The following CDH23 variants were observed in gnomAD, a reference collection of about 807,000 sequenced individuals.
The protein encoded by CDH23 is cadherin related 23.
A neutral mutation model predicts 317.1 loss-of-function variants in CDH23; 189 were observed. The observed-to-expected ratio is 0.60, with a 90% CI of 0.53 to 0.67. The LOEUF (loss-of-function observed/expected upper bound fraction) is 0.67. Among genes scored for constraint, CDH23 ranks in the 30% least tolerant of loss-of-function variants. The probability of loss-of-function intolerance (pLI) is 0.00; values close to 1 mark genes in which losing one functional copy is unlikely to be tolerated. For missense variants in CDH23, 4,401 were observed against 4,592.4 expected (o/e 0.96, Z 1.20); for synonymous variants, 1,839 against 1,876.8 (o/e 0.98, Z 0.52).
intron 9 of CDH23, among the ~76,000 whole-genome samples, chr10:71,607,318 C>T (rs1483420132): frequency 6.6e-6 from 1 of 152,234 alleles, no homozygotes; most frequent in East Asian, 1.9e-4. Context: ...AACTCTTTAG[C>T]TTCCTGGAAG....
intron 9 of CDH23, among the ~76,000 whole-genome samples, chr10:71,609,130 C>T (rs1860703903): frequency 6.6e-6 from 1 of 151,896 alleles, no homozygotes; most frequent in South Asian, 2.1e-4. Context: ...GCAGGTGGGG[C>T]AGGGGGCGTG....
chr10:71,737,208 C>T (rs1460154489), intron 34 of CDH23, among the ~76,000 whole-genome samples: 1 of 152,190 alleles, frequency 6.6e-6, no homozygotes, highest in African/African-American at 2.4e-5. Context: ...TGGGTAGAGT[C>T]TTGGCAAGAG....
At chr10:71,705,700 G>C (rs143020540) in intron 25 of CDH23, among the ~76,000 whole-genome samples, 1 of 152,190 alleles carries the variant, frequency 6.6e-6, no homozygotes, top group African/African-American at 2.4e-5. Context: ...ACGGGGTACT[G>C]TTTCCACTCT....
chr10:71,639,220 C>CCA (rs1468000839), intron 11 of CDH23, among the ~76,000 whole-genome samples: 1 of 152,202 alleles, frequency 6.6e-6, no homozygotes, highest in East Asian at 1.9e-4. Flanking sequence ...AGGCTCCTCT[C>CCA]CACACACACT....
chr10:71,674,244 G>A (rs750774366), intron 14 of CDH23, among the ~76,000 whole-genome samples: 3 of 152,072 alleles, frequency 2.0e-5, no homozygotes, highest in Non-Finnish European at 2.9e-5. Flanking sequence ...ACACAAATTA[G>A]CTTTTCCTTG....
intron 12 of CDH23, 128 bp from the exon 13 acceptor site, chr10:71,645,703 C>A (rs753670971): frequency 9.8e-7 from 1 of 1,024,290 alleles, no homozygotes; most frequent in South Asian, 1.3e-5. Context: ...TCTGTCCCAG[C>A]GCCTCATCCA....
chr10:71,792,656 A>G (rs1285328291), intron 47 of CDH23, among the ~76,000 whole-genome samples: 1 of 151,232 alleles, frequency 6.6e-6, no homozygotes, highest in African/African-American at 2.4e-5. Flanking sequence ...CCCTTTCTCT[A>G]CTAAAAATAC....
At position 71,538,025 on chromosome 10, in the gene CDH23, G is replaced by A. The variant is rs148974937; in HGVS notation, c.429+26813G>A. 5.7e-3 allele frequency among the ~76,000 whole-genome samples: 861 copies of A among 152,202 alleles called. 22 individuals are homozygous for A. Among genetic ancestry groups the A allele is most frequent in the Non-Finnish European group, 1.1e-3 (77 of 68,024 alleles). On this transcript the variant is annotated intron_variant, in intron 6 of 69. Transcript: ENST00000224721. ...CCTCTAAGCCTCAGCAGCCAGCACT[G>A]TCCACATCACTGAGTCCATTTTACA... is the stretch of plus-strand genomic sequence containing the variant.
chr10:71,718,241 A>C (rs1866379351), intron 28 of CDH23, among the ~76,000 whole-genome samples: 2 of 152,144 alleles, frequency 1.3e-5, no homozygotes, highest in African/African-American at 4.8e-5. Flanking sequence ...TGGGCCACCT[A>C]GTTCCCCACC....
At chr10:71,646,673 G>T (rs1246941914) in intron 14 of CDH23, 56 bp downstream of exon 14, 1 of 1,613,864 alleles carries the variant, frequency 6.2e-7, no homozygotes, top group Non-Finnish European at 8.5e-7. Flanking sequence ...ACTGTGGTGA[G>T]GCACCCAGAG....
intron 3 of CDH23, among the ~76,000 whole-genome samples, chr10:71,487,625 A>T (rs187716790): frequency 1.3e-5 from 2 of 152,326 alleles, no homozygotes; most frequent in Non-Finnish European, 2.9e-5. Flanking sequence ...GAATCGTTAA[A>T]TCATTTGGTG....
intron 30 of CDH23, among the ~76,000 whole-genome samples, chr10:71,730,079 C>T (rs1839313298): frequency 6.6e-6 from 1 of 152,126 alleles, no homozygotes; most frequent in Admixed American, 6.5e-5. Flanking sequence ...CGTGATCTGC[C>T]CACCTCGGCC....
intron 27 of CDH23, among the ~76,000 whole-genome samples, 162 bp downstream of exon 27, chr10:71,709,373 A>G (rs562558845): frequency 3.9e-5 from 6 of 152,380 alleles, no homozygotes; most frequent in Admixed American, 1.3e-4. Context: ...CTTGCCGGGC[A>G]TGAGGCTCAC....
At chr10:71,608,464 A>T (rs148466752) in intron 9 of CDH23, among the ~76,000 whole-genome samples, 7 of 152,276 alleles carry the variant, frequency 4.6e-5, no homozygotes, top group African/African-American at 1.7e-4. Flanking sequence ...AGCTCCTCAT[A>T]AGCCATGGCT....
chr10:71,427,209 G>GAAAGAAAGAAAGAAAGAAAGAA (rs1849127814), intron 1 of CDH23, among the ~76,000 whole-genome samples: 1 of 108,610 alleles, frequency 9.2e-6, no homozygotes, highest in African/African-American at 3.2e-5. Context: ...AAGAAAGAAA[G>GAAAGAAAGAAAGAAAGAAAGAA]AAAGAAAGAA....
In CDH23 at chr10:71,778,237, C is replaced by A. The variant is rs759876454; in HGVS notation, c.5116C>A (p.Arg1706Ser). 6.2e-6 allele frequency: 10 copies of A among 1,613,742 alleles called. No homozygotes were observed. Among genetic ancestry groups the A allele is most frequent in the Non-Finnish European group, 7.6e-6 (9 of 1,179,842 alleles). ...GCTGGACTACGAGATCAGCCACGGC[C>A]GCTACACCCTGATCGTCACTGCCAC... ...KELDYEISHGRYTLIVTATDQ... is the reference protein window; with the variant it reads ...KELDYEISHGSYTLIVTATDQ... Residue 1706 changes from arginine (R) to serine (S), a missense_variant, in exon 40 of 70, where the codon CGC becomes AGC. Around this residue, in one of 3 missense-constraint regions of CDH23, gnomAD observed 3,068 missense variants for 3,203.3 expected, o/e 0.96. Coordinates refer to ENST00000224721, the MANE Select transcript of CDH23 (RefSeq NM_022124.6).
intron 11 of CDH23, among the ~76,000 whole-genome samples, chr10:71,628,493 G>A (rs961829538): frequency 1.3e-5 from 2 of 152,176 alleles, no homozygotes; most frequent in African/African-American, 4.8e-5. Flanking sequence ...CAAAGTAATT[G>A]AGAGTGAGAT....
intron 1 of CDH23, among the ~76,000 whole-genome samples, chr10:71,398,047 T>C (rs1040507819): frequency 1.2e-4 from 19 of 152,198 alleles, no homozygotes; most frequent in Admixed American, 9.2e-4. Context: ...CCACCGTAGG[T>C]CAGCCCAGGA....
At chr10:71,586,587 C>T (rs1859080597) in intron 9 of CDH23, among the ~76,000 whole-genome samples, 1 of 152,112 alleles carries the variant, frequency 6.6e-6, no homozygotes, top group East Asian at 1.9e-4. Context: ...TTACCCACAC[C>T]TTATTCATAC....
Sources: gnomAD v4.1 joint callset for allele counts (sites outside exome capture counted in the v4.1 genomes callset) on GRCh38, gnomAD v4.1.1 for gene constraint, gnomAD v4.1.1 regional missense constraint, MANE v1.5 for transcripts, NCBI Gene and HGNC (gene_info 2026-07-23, HGNC 2026-07-21) for gene names.